The following ZNF385B variants were observed in gnomAD, a reference collection of about 807,000 sequenced individuals.
ZNF385B encodes zinc finger protein 533.
Under a neutral mutation model 39.2 loss-of-function variants are expected in ZNF385B, and 23 were observed. The ratio of observed to expected loss-of-function variants is 0.59; its 90% CI spans 0.42 to 0.83. The LOEUF is 0.83. Among genes scored for constraint, ZNF385B ranks in the 40% least tolerant of loss-of-function variants. The pLI, the probability that ZNF385B is intolerant of heterozygous loss-of-function variation, is 0.00. For synonymous variants in ZNF385B, 205 were observed against 222.6 expected (o/e 0.92, Z 0.70); for missense variants, 552 against 598.9 (o/e 0.92, Z 0.82).
At chr2:179,537,507 A>G (rs936941530) in intron 4 of ZNF385B, among the ~76,000 whole-genome samples, 1 of 152,052 alleles carries the variant, frequency 6.6e-6, no homozygotes, top group African/African-American at 2.4e-5. Flanking sequence ...TGGGAGGCTG[A>G]GACAGGCGGA....
intron 3 of ZNF385B, among the ~76,000 whole-genome samples, chr2:179,636,328 G>C (rs11687033): frequency 6.6e-6 from 1 of 151,984 alleles, no homozygotes; most frequent in Non-Finnish European, 1.5e-5. Context: ...CCATTCCTTC[G>C]CTGGCATGGC....
At chr2:179,680,544 C>G (rs1697422409) in intron 3 of ZNF385B, among the ~76,000 whole-genome samples, 1 of 152,082 alleles carries the variant, frequency 6.6e-6, no homozygotes, top group African/African-American at 2.4e-5. Context: ...TGTTCTATTT[C>G]TTGACCTGGC....
chr2:179,723,881 A>T (rs1355180804), intron 3 of ZNF385B, among the ~76,000 whole-genome samples: 1 of 152,180 alleles, frequency 6.6e-6, no homozygotes, highest in Non-Finnish European at 1.5e-5. Flanking sequence ...TTGGTTATCA[A>T]TTGGGACCAA....
At chr2:179,531,270 A>T (rs565043450) in intron 4 of ZNF385B, among the ~76,000 whole-genome samples, 75 of 152,340 alleles carry the variant, frequency 4.9e-4, no homozygotes, top group African/African-American at 1.8e-3. Context: ...CAAATAATTT[A>T]AAAAAGTATG....
chr2:179,623,158 A>C (rs575526652), intron 3 of ZNF385B, among the ~76,000 whole-genome samples: 1 of 152,280 alleles, frequency 6.6e-6, no homozygotes, highest in East Asian at 1.9e-4. Flanking sequence ...CTAGAACAGA[A>C]AATCAAGATT....
At chr2:179,645,558 C>G (rs938689301) in intron 3 of ZNF385B, among the ~76,000 whole-genome samples, 1 of 152,150 alleles carries the variant, frequency 6.6e-6, no homozygotes, top group East Asian at 1.9e-4. Flanking sequence ...CCCTGGGAAC[C>G]AATTACTCTT....
In ZNF385B at chr2:179,556,654, A is replaced by C. The variant is rs139066819; in HGVS notation, c.299-11685T>G. On this transcript the variant is annotated intron_variant, in intron 3 of 9. Coordinates refer to ENST00000410066, the MANE Select transcript of ZNF385B (RefSeq NM_152520.6). ...CGCCTGATGAAATTTACTGGCAAAA[A>C]GACCTGGGGCGATGGTCCTGAGCTA... Among the ~76,000 whole-genome samples, 1,318 of 149,308 alleles carry C rather than the reference A, an allele frequency of 8.8e-3. 159 individuals are homozygous for C. Among genetic ancestry groups the C allele is most frequent in the African/African-American group, 0.031 (1,234 of 39,576 alleles).
intron 6 of ZNF385B, among the ~76,000 whole-genome samples, chr2:179,447,817 A>G (rs893673178): frequency 1.3e-5 from 2 of 152,166 alleles, no homozygotes; most frequent in African/African-American, 4.8e-5. Flanking sequence ...ACTAGGCAAC[A>G]GCAATGTGGT....
chr2:179,504,354 T>C (rs1428063162), intron 5 of ZNF385B, among the ~76,000 whole-genome samples: 1 of 151,858 alleles, frequency 6.6e-6, no homozygotes, highest in East Asian at 1.9e-4. Context: ...CATGTGTCTT[T>C]ATAGCAGCAT....
intron 6 of ZNF385B, among the ~76,000 whole-genome samples, chr2:179,455,834 G>A (rs1038082955): frequency 2.0e-5 from 3 of 149,210 alleles, no homozygotes; most frequent in South Asian, 4.2e-4. Context: ...AGAGGTTGCC[G>A]TGAGCCAAGA....
chr2:179,632,724 A>C (rs987325313), intron 3 of ZNF385B, among the ~76,000 whole-genome samples: 2 of 152,220 alleles, frequency 1.3e-5, no homozygotes, highest in African/African-American at 4.8e-5. Context: ...AAAGAGATGG[A>C]GACACAAAAA....
At chr2:179,541,494 C>G (rs2059917104) in intron 4 of ZNF385B, among the ~76,000 whole-genome samples, 1 of 152,130 alleles carries the variant, frequency 6.6e-6, no homozygotes, top group Admixed American at 6.5e-5. Context: ...AAACTTTCAA[C>G]TATGGTCTCA....
chr2:179,779,761 C>T (rs183945195), intron 1 of ZNF385B, among the ~76,000 whole-genome samples: 1 of 152,134 alleles, frequency 6.6e-6, no homozygotes, highest in East Asian at 1.9e-4. Flanking sequence ...GGGATGACTC[C>T]ATGGTTCTAA....
At chr2:179,835,244 A>G (rs957153287) in intron 1 of ZNF385B, among the ~76,000 whole-genome samples, 5 of 152,384 alleles carry the variant, frequency 3.3e-5, no homozygotes, top group Non-Finnish European at 5.9e-5. Flanking sequence ...GTGTATACAG[A>G]AAGAAAAGAG....
intron 3 of ZNF385B, among the ~76,000 whole-genome samples, chr2:179,548,785 C>G (rs2060388783): frequency 6.7e-6 from 1 of 149,134 alleles, no homozygotes. Context: ...AAACCTGCCC[C>G]CATGATTCAA....
intron 3 of ZNF385B, among the ~76,000 whole-genome samples, chr2:179,766,030 T>TCACACACACACACACACACACA (rs71029829): frequency 9.2e-5 from 13 of 140,926 alleles, no homozygotes; most frequent in East Asian, 2.2e-4. Flanking sequence ...GGTACATTGA[T>TCACACACACACACACACACACA]CACACACACA....
At chr2:179,784,016 T>C (rs1205905313) in intron 1 of ZNF385B, among the ~76,000 whole-genome samples, 1 of 152,156 alleles carries the variant, frequency 6.6e-6, no homozygotes. Flanking sequence ...TAAAGACAAA[T>C]GCACATGAAT....
chr2:179,557,867 C>T (rs532834259), intron 3 of ZNF385B, among the ~76,000 whole-genome samples: 5 of 152,126 alleles, frequency 3.3e-5, no homozygotes, highest in East Asian at 3.9e-4. Flanking sequence ...CCTTGTCCCC[C>T]TCACTCCCTC....
intron 4 of ZNF385B, among the ~76,000 whole-genome samples, chr2:179,521,373 T>A (rs1829282): frequency 1.4e-5 from 2 of 147,266 alleles, no homozygotes; most frequent in African/African-American, 2.5e-5. Context: ...TTTTTTTTTG[T>A]ATTTTTAGTA....
Sources: allele counts gnomAD v4.1 joint callset (sites outside exome capture counted in the v4.1 genomes callset), GRCh38; gene constraint gnomAD v4.1.1; transcripts MANE v1.5; gene names NCBI Gene and HGNC (gene_info 2026-07-23, HGNC 2026-07-21).